The following SAMD5 variants were observed in gnomAD, a reference collection of about 807,000 sequenced individuals.
The protein encoded by SAMD5 is sterile alpha motif domain containing 5.
In SAMD5, 13 loss-of-function variants were observed where a neutral mutation model predicts 11.3. The observed-to-expected ratio is 1.15, with a 90% CI of 0.75 to 1.83. The LOEUF (loss-of-function observed/expected upper bound fraction) is 1.83, where lower values mean the gene tolerates loss of function less well. Ranked by LOEUF, SAMD5 falls within the 40% of genes most tolerant of loss-of-function variation. The pLI, the probability that SAMD5 is intolerant of heterozygous loss-of-function variation, is 0.00. For missense variants in SAMD5, 255 were observed against 239.1 expected (o/e 1.07, Z -0.44); for synonymous variants, 129 against 111.3 (o/e 1.16, Z -1.00).
At chr6:147,950,697 C>T in the SAMD5 span, among the ~76,000 whole-genome samples, 1 of 152,082 alleles carries the variant, frequency 6.6e-6, no homozygotes, top group Non-Finnish European at 1.5e-5. Flanking sequence ...CTTAAGTTTC[C>T]TCACTGAATC....
At chr6:147,789,921 CAAAAGCCTGACGATACT>C in the SAMD5 span, among the ~76,000 whole-genome samples, 3 of 152,094 alleles carry the variant, frequency 2.0e-5, no homozygotes, top group Non-Finnish European at 4.4e-5. Context: ...GGCTAAAATC[CAAAAGCCTGACGATACT>C]AATCATTGCC....
intron 1 of SAMD5, among the ~76,000 whole-genome samples, chr6:147,727,303 A>C (rs2128459729): frequency 6.6e-6 from 1 of 152,332 alleles, no homozygotes; most frequent in East Asian, 1.9e-4. Context: ...AGCCAGGAGC[A>C]GCAACGTTTC....
At chr6:147,726,756 C>T (rs934149714) in intron 1 of SAMD5, among the ~76,000 whole-genome samples, 1 of 152,202 alleles carries the variant, frequency 6.6e-6, no homozygotes, top group Non-Finnish European at 1.5e-5. Context: ...AATAGCAGTA[C>T]ATGTGACATA....
chr6:147,786,878 G>A, the SAMD5 span, among the ~76,000 whole-genome samples: 1 of 152,102 alleles, frequency 6.6e-6, no homozygotes, highest in African/African-American at 2.4e-5. Context: ...TAACTACAAG[G>A]CATGACCAGC....
In SAMD5 at chr6:147,564,653, G is replaced by A. The variant is rs988325967; in HGVS notation, c.*197G>A. On this transcript the variant is annotated 3_prime_UTR_variant, in exon 2 of 2. Coordinates refer to ENST00000367474, the MANE Select transcript of SAMD5 (RefSeq NM_001030060.3). The stretch of plus-strand genomic sequence containing the variant: ...CTGGCTTATAACAGCTAGAAATAAG[G>A]CAGTGAACTATCACGCATAAAGAAG... 7.6e-5 allele frequency: 103 copies of A among 1,361,846 alleles called. No homozygotes were observed. Among genetic ancestry groups the A allele is most frequent in the African/African-American group, 3.0e-5 (2 of 67,404 alleles). The allele number at this position is 1,361,846 out of a possible 1,614,324, so 84.4% of individuals were successfully genotyped here. A position where few individuals can be genotyped will look rare whatever the true frequency, so the allele number is the denominator to read the frequency against.
chr6:147,566,283 T>G lies in SAMD5; in HGVS notation c.*1827T>G, dbSNP rs1789039059. The G allele has an allele frequency of 1.0e-6, 1 of 978,902 alleles. No homozygotes were observed. Among genetic ancestry groups the G allele is most frequent in the Admixed American group, 6.1e-5 (1 of 16,264 alleles). The allele number at this position is 978,902 out of a possible 1,614,324, so 60.6% of individuals were successfully genotyped here. ...TCAGGATTATATTCCAGTTAACCTTTCATCTTTTTTTTTTTTCCAAATGAA... is the reference window on the plus strand; with the variant it reads ...TCAGGATTATATTCCAGTTAACCTTGCATCTTTTTTTTTTTTCCAAATGAA... On this transcript the variant is annotated 3_prime_UTR_variant, in exon 2 of 2. Transcript: ENST00000367474.
exon 2 of SAMD5, chr6:147,737,451 T>TATG: frequency 1.3e-6 from 1 of 749,496 alleles, no homozygotes; most frequent in Non-Finnish European, 2.0e-6. Context: ...ACACATAATT[T>TATG]TGCCTCCATT....
chr6:147,765,681 G>A, the SAMD5 span, among the ~76,000 whole-genome samples: 1 of 152,194 alleles, frequency 6.6e-6, no homozygotes, highest in Non-Finnish European at 1.5e-5. Context: ...AGGGACGTCG[G>A]AACTGCTAAA....
chr6:147,917,956 T>C, the SAMD5 span, among the ~76,000 whole-genome samples: 6 of 152,358 alleles, frequency 3.9e-5, no homozygotes, highest in Non-Finnish European at 8.8e-5. Flanking sequence ...TTTTGGTTAC[T>C]GTAGCCTTGT....
At chr6:147,797,484 G>A in the SAMD5 span, among the ~76,000 whole-genome samples, 1 of 82,868 alleles carries the variant, frequency 1.2e-5, no homozygotes, top group South Asian at 4.5e-4. Flanking sequence ...ATTTTATTGA[G>A]GATTTTTGCA....
chr6:147,672,027 T>G, intron 1 of SAMD5, among the ~76,000 whole-genome samples: 1 of 152,042 alleles, frequency 6.6e-6, no homozygotes, highest in Middle Eastern at 3.4e-3. Flanking sequence ...TAAATAAATT[T>G]TAGGAGCGTT....
chr6:147,920,305 G>A, the SAMD5 span, among the ~76,000 whole-genome samples: 4 of 152,162 alleles, frequency 2.6e-5, no homozygotes, highest in South Asian at 2.1e-4. Flanking sequence ...CGTGCTGGAT[G>A]CTTCCTGTTC....
the SAMD5 span, among the ~76,000 whole-genome samples, chr6:147,931,306 A>T: frequency 6.6e-6 from 1 of 152,212 alleles, no homozygotes; most frequent in African/African-American, 2.4e-5. Flanking sequence ...GGATGTGATC[A>T]TTCTCTTATT....
In SAMD5 at chr6:147,722,346, G is replaced by T. The variant is rs75883652; in HGVS notation, c.163-14971G>T. Among the ~76,000 whole-genome samples, 9 of 151,604 alleles carry T rather than the reference G, an allele frequency of 5.9e-5. No individual in the cohort carries two copies. The South Asian group carries it at 1.9e-3, about 32-fold the overall frequency. ...CGCATTCACAGACACCATGAAAAAAGCACCAAACAATTGAGAGAACTGTTT... is the reference window on the plus strand; with the variant it reads ...CGCATTCACAGACACCATGAAAAAATCACCAAACAATTGAGAGAACTGTTT... On this transcript the variant is annotated intron_variant, in intron 1 of 1. Coordinates refer to the SAMD5 transcript ENST00000566741.
the SAMD5 span, among the ~76,000 whole-genome samples, chr6:147,833,125 T>C: frequency 2.3e-4 from 35 of 152,334 alleles, 1 homozygote; most frequent in Non-Finnish European, 4.7e-4. Flanking sequence ...ATGACAATTG[T>C]CCCCTCTGGA....
the SAMD5 span, among the ~76,000 whole-genome samples, chr6:147,768,598 T>C: frequency 1.3e-5 from 2 of 152,172 alleles, no homozygotes; most frequent in African/African-American, 4.8e-5. Flanking sequence ...ACTCTTACTA[T>C]GTGCCAAACA....
At chr6:147,913,279 G>A in the SAMD5 span, among the ~76,000 whole-genome samples, 3 of 152,150 alleles carry the variant, frequency 2.0e-5, no homozygotes, top group Admixed American at 6.5e-5. Context: ...CCTCAGTATC[G>A]GGCAGATAGG....
chr6:147,518,840 A>T (rs772653123), intron 1 of SAMD5, among the ~76,000 whole-genome samples: 1 of 152,238 alleles, frequency 6.6e-6, no homozygotes. Context: ...CAGATCAGCC[A>T]CTGATTTGGA....
At chr6:147,759,102 G>A in the SAMD5 span, among the ~76,000 whole-genome samples, 17 of 152,264 alleles carry the variant, frequency 1.1e-4, no homozygotes, top group Non-Finnish European at 7.4e-5. Flanking sequence ...TGTCATATTA[G>A]CCGTATGTTG....
Sources: allele counts gnomAD v4.1 joint callset (sites outside exome capture counted in the v4.1 genomes callset), GRCh38; gene constraint gnomAD v4.1.1; transcripts MANE v1.5; gene names NCBI Gene and HGNC (gene_info 2026-07-23, HGNC 2026-07-21).